IMMP2L: variants seen among roughly 807,000 people sequenced by gnomAD.
The protein encoded by IMMP2L is mitochondrial inner membrane protease subunit 2.
A neutral mutation model predicts 19.3 loss-of-function variants in IMMP2L; 18 were observed. The observed-to-expected ratio is 0.93, with a 90% CI of 0.64 to 1.38. The LOEUF (loss-of-function observed/expected upper bound fraction) is 1.38. Ranked by LOEUF, IMMP2L falls within the 40% of genes most tolerant of loss-of-function variation. IMMP2L has a pLI of 0.00. For synonymous variants in IMMP2L, 76 were observed against 73.0 expected (o/e 1.04, Z -0.21); for missense variants, 233 against 218.2 (o/e 1.07, Z -0.43).
chr7:110,768,285 G>C (rs2131006794), intron 5 of IMMP2L, among the ~76,000 whole-genome samples: 1 of 144,062 alleles, frequency 6.9e-6, no homozygotes, highest in African/African-American at 2.6e-5. Context: ...TGATATGTTT[G>C]AGGAAGGGAA....
At chr7:110,841,216 A>G (rs1272190456) in intron 5 of IMMP2L, among the ~76,000 whole-genome samples, 1 of 151,996 alleles carries the variant, frequency 6.6e-6, no homozygotes, top group Non-Finnish European at 1.5e-5. Flanking sequence ...TTTGATATAT[A>G]TATACCCATA....
chr7:111,234,179 T>C (rs1391195454), intron 3 of IMMP2L, among the ~76,000 whole-genome samples: 10 of 152,112 alleles, frequency 6.6e-5, no homozygotes, highest in Non-Finnish European at 1.5e-5. Flanking sequence ...TCTTAACCTA[T>C]GGGTTATTTA....
At chr7:111,554,266 A>G (rs1247865086) in intron 1 of IMMP2L, among the ~76,000 whole-genome samples, 1 of 152,186 alleles carries the variant, frequency 6.6e-6, no homozygotes, top group East Asian at 1.9e-4. Flanking sequence ...AGTTTATATC[A>G]CAAGGGAGAA....
intron 3 of IMMP2L, among the ~76,000 whole-genome samples, chr7:111,129,576 C>T (rs964170953): frequency 6.6e-6 from 1 of 152,054 alleles, no homozygotes; most frequent in African/African-American, 2.4e-5. Flanking sequence ...TTTACCCTAA[C>T]GAATGCATTG....
At chr7:110,773,335 T>G (rs1220706193) in intron 5 of IMMP2L, among the ~76,000 whole-genome samples, 1 of 152,138 alleles carries the variant, frequency 6.6e-6, no homozygotes, top group Non-Finnish European at 1.5e-5. Context: ...ACCTCCTAAT[T>G]GGCTGAGACA....
intron 3 of IMMP2L, among the ~76,000 whole-genome samples, chr7:110,979,820 T>A (rs1348867178): frequency 1.3e-5 from 2 of 151,944 alleles, no homozygotes; most frequent in African/African-American, 4.8e-5. Flanking sequence ...GGGTACAGAG[T>A]TTCTTTTTGG....
At chr7:111,461,398 A>G (rs1046020893) in intron 3 of IMMP2L, among the ~76,000 whole-genome samples, 1 of 152,100 alleles carries the variant, frequency 6.6e-6, no homozygotes, top group African/African-American at 2.4e-5. Context: ...TGAAATACAC[A>G]CACACATACA....
intron 4 of IMMP2L, among the ~76,000 whole-genome samples, chr7:110,922,443 G>A (rs1814394209): frequency 6.6e-6 from 1 of 152,060 alleles, no homozygotes; most frequent in Non-Finnish European, 1.5e-5. Context: ...AAACATACAT[G>A]TAAAATACAA....
chr7:110,980,922 T>A (rs2129558027), intron 3 of IMMP2L, among the ~76,000 whole-genome samples: 1 of 152,326 alleles, frequency 6.6e-6, no homozygotes, highest in East Asian at 1.9e-4. Flanking sequence ...ATAAAATATT[T>A]GAACCAGTGT....
intron 5 of IMMP2L, among the ~76,000 whole-genome samples, chr7:110,693,941 T>C (rs529872914): frequency 3.9e-5 from 6 of 152,222 alleles, no homozygotes; most frequent in African/African-American, 1.4e-4. Context: ...GGAGGCCATG[T>C]GTTGGTGATG....
At chr7:110,874,947 A>C (rs1057226980) in intron 5 of IMMP2L, among the ~76,000 whole-genome samples, 6 of 152,062 alleles carry the variant, frequency 3.9e-5, no homozygotes, top group Non-Finnish European at 8.8e-5. Context: ...AGAAGGGCAA[A>C]GAGGAAAAAG....
rs148789480 is a variant in IMMP2L at position 111,522,926 on chromosome 7, C to CATATATATATATATATGTATATATATAT, written c.-2-1478_-2-1477insATATATATATACATATATATATATATAT. On this transcript the variant is annotated intron_variant, in intron 1 of 5. Coordinates refer to ENST00000405709, the MANE Select transcript of IMMP2L (RefSeq NM_032549.4). ...TGAATGAACTTTAAGATGTGAGATA[C>CATATATATATATATATGTATATATATAT]ATATATATATATTATTTCACCATAA... 1.3e-4 allele frequency among the ~76,000 whole-genome samples: 17 copies of CATATATATATATATATGTATATATATAT among 134,868 alleles called. 1 individual carries two copies. The highest frequency in any genetic ancestry group is 2.5e-4 in the Non-Finnish European group (16 of 63,402). 88.5% of individuals were successfully genotyped at this position (134,868 alleles called of 152,430 possible). A position where few individuals can be genotyped will look rare whatever the true frequency, so the allele number is the denominator to read the frequency against.
In IMMP2L at chr7:111,534,737, A is replaced by C. The variant is rs372392307; in HGVS notation, c.-2-13288T>G. On this transcript the variant is annotated intron_variant, in intron 1 of 5. Transcript: ENST00000405709. ...GTTCATACACAATTTTCCCCAGTAC[A>C]TGAAGGTTTTGATTCAACCAAGAGC... Among the ~76,000 whole-genome samples, 34 of 152,276 alleles carry C rather than the reference A, an allele frequency of 2.2e-4. No homozygotes were observed. In the South Asian group the frequency reaches 6.6e-3, roughly 30 times the overall value.
At chr7:111,347,945 A>G (rs1693298269) in intron 3 of IMMP2L, among the ~76,000 whole-genome samples, 1 of 151,690 alleles carries the variant, frequency 6.6e-6, no homozygotes, top group African/African-American at 2.4e-5. Context: ...ACCATGGAAT[A>G]CTATGCAGCC....
At position 111,067,158 on chromosome 7, in the gene IMMP2L, A is replaced by G. The variant is rs188463724; in HGVS notation, c.240-103593T>C. Among the ~76,000 whole-genome samples the G allele has an allele frequency of 1.7e-4, 26 of 152,310 alleles. No individual in the cohort carries two copies. In the East Asian group the frequency reaches 5.0e-3, roughly 29 times the overall value. ...TATCCTTTCCCTATCATAAACCACA[A>G]CCATGAGTATAGCAGCTTTCAGTAA... On this transcript the variant is annotated intron_variant, in intron 3 of 5. Transcript: ENST00000405709.
In IMMP2L at chr7:111,035,575, T is replaced by C. The variant is rs115022578; in HGVS notation, c.240-72010A>G. ...TTGTGCAGCCATAATTTTTGCAACATTGTATACATGCTGACATATACCAAC... is the reference window on the plus strand; with the variant it reads ...TTGTGCAGCCATAATTTTTGCAACACTGTATACATGCTGACATATACCAAC... On this transcript the variant is annotated intron_variant, in intron 3 of 5. Coordinates refer to ENST00000405709, the MANE Select transcript of IMMP2L (RefSeq NM_032549.4). Among the ~76,000 whole-genome samples the C allele has an allele frequency of 3.9e-3, 596 of 152,250 alleles. 4 individuals carry two copies. Among genetic ancestry groups the C allele is most frequent in the African/African-American group, 0.014 (573 of 41,568 alleles).
At chr7:110,749,016 T>A (rs1308665490) in intron 5 of IMMP2L, among the ~76,000 whole-genome samples, 1 of 152,320 alleles carries the variant, frequency 6.6e-6, no homozygotes, top group Admixed American at 6.5e-5. Context: ...AAAGGGCTAA[T>A]ATCCAGAATC....
intron 5 of IMMP2L, among the ~76,000 whole-genome samples, chr7:110,769,558 G>A (rs1798901329): frequency 6.6e-6 from 1 of 152,048 alleles, no homozygotes; most frequent in Admixed American, 6.6e-5. Context: ...AATCAATTTT[G>A]ATCATTTTGA....
intron 3 of IMMP2L, among the ~76,000 whole-genome samples, chr7:111,273,975 C>A (rs954079488): frequency 2.2e-4 from 33 of 152,076 alleles, no homozygotes; most frequent in Non-Finnish European, 2.5e-4. Flanking sequence ...AACTTGCCTA[C>A]AGTTTCTTCA....
Sources: allele counts gnomAD v4.1 joint callset (sites outside exome capture counted in the v4.1 genomes callset), GRCh38; gene constraint gnomAD v4.1.1; transcripts MANE v1.5; gene names NCBI Gene and HGNC (gene_info 2026-07-23, HGNC 2026-07-21).